The following ALMS1 variants were observed in gnomAD, a reference collection of about 807,000 sequenced individuals.
The protein encoded by ALMS1 is ALMS1 centrosome and basal body associated protein, also known as centrosome-associated protein ALMS1.
Under a neutral mutation model 352.2 loss-of-function variants are expected in ALMS1, and 271 were observed. That is an observed-to-expected ratio of 0.77 (90% CI 0.70 to 0.85). The LOEUF is 0.85. Ranked by LOEUF, ALMS1 falls within the 40% of genes least tolerant of loss-of-function variation. ALMS1 has a pLI of 0.00. For missense variants in ALMS1, 5,445 were observed against 4,870.7 expected, an observed-to-expected ratio of 1.12 and a Z score of -3.51; for synonymous variants, 1,865 against 1,761.2, an observed-to-expected ratio of 1.06 and a Z score of -1.48.
Position 73,573,444 on chromosome 2 carries a change from A to C in ALMS1, c.11547+20A>C. ...ATCCAGGTACATGGCTACAGATTCC[A>C]TCTGGCAATGTGACTGCCCTCTTCA... is the stretch of plus-strand genomic sequence containing the variant. On this transcript the variant is annotated intron_variant, in intron 16 of 22. Coordinates refer to ENST00000613296, the MANE Select transcript of ALMS1 (RefSeq NM_001378454.1). 4 of 1,613,068 alleles carry C rather than the reference A, an allele frequency of 2.5e-6. No individual in the cohort carries two copies. Among genetic ancestry groups the C allele is most frequent in the Non-Finnish European group, 3.4e-6 (4 of 1,179,344 alleles).
Position 73,599,494 on chromosome 2 carries a change from C to G in ALMS1, c.11641C>G (p.His3881Asp), listed in dbSNP as rs142278066. ...NSTFCNKQNV[H>D]MLNKGIQAGN... ...TACTTTTTGCAACAAGCAGAATGTA[C>G]ACATGTTAAACAAGGGCATACAAGC... Residue 3881 changes from histidine (H) to aspartate (D), a missense_variant, in exon 17 of 23, where the codon CAC (histidine) becomes GAC (aspartate). By Grantham distance (81) the His-to-Asp change is moderately conservative. Coordinates refer to ENST00000613296, the MANE Select transcript of ALMS1 (RefSeq NM_001378454.1). The G allele has an allele frequency of 2.5e-6, 4 of 1,613,474 alleles. No homozygotes were observed. In the Admixed American group the frequency reaches 6.7e-5, roughly 27 times the overall value.
chr2:73,550,248 C>T lies in ALMS1; in HGVS notation c.9908-19C>T. 1 of 1,613,570 alleles carries T rather than the reference C, an allele frequency of 6.2e-7. No homozygotes were observed. The highest frequency in any genetic ancestry group is 8.5e-7 in the Non-Finnish European group (1 of 1,179,692). On this transcript the variant is annotated intron_variant, in intron 12 of 22. Transcript: ENST00000613296. ...ATGTCGCTATTTGTGTTTTGTATTA[C>T]TTCCCCGTTTTTCTGTAGGATCCAA...
chr2:73,446,665 C>T (rs973893920), intron 7 of ALMS1, among the ~76,000 whole-genome samples: 1 of 152,218 alleles, frequency 6.6e-6, no homozygotes, highest in East Asian at 1.9e-4. Context: ...GGAAAGAGCT[C>T]AGAACTTGGA....
intron 9 of ALMS1, among the ~76,000 whole-genome samples, chr2:73,455,913 A>C (rs985011693): frequency 2.0e-5 from 3 of 152,196 alleles, no homozygotes; most frequent in African/African-American, 7.2e-5. Context: ...CTTGAAATCC[A>C]GCTATTTTCA....
intron 1 of ALMS1, among the ~76,000 whole-genome samples, chr2:73,402,107 A>T (rs1022948072): frequency 6.6e-6 from 1 of 151,560 alleles, no homozygotes; most frequent in Admixed American, 6.6e-5. Context: ...TGGATGCTGT[A>T]GTTGTGTTCG....
At chr2:73,486,865 C>CA (rs1466979276) in intron 9 of ALMS1, among the ~76,000 whole-genome samples, 1 of 152,064 alleles carries the variant, frequency 6.6e-6, no homozygotes, top group African/African-American at 2.4e-5. Flanking sequence ...GCCTGGGCAA[C>CA]AAAGTGAGAC....
At chr2:73,531,331 C>G (rs1304325706) in intron 11 of ALMS1, among the ~76,000 whole-genome samples, 1 of 152,354 alleles carries the variant, frequency 6.6e-6, no homozygotes, top group East Asian at 1.9e-4. Flanking sequence ...TAAATCATCT[C>G]TTTCAAGTTC....
intron 16 of ALMS1, among the ~76,000 whole-genome samples, chr2:73,586,497 A>G (rs1675316475): frequency 6.6e-6 from 1 of 152,160 alleles, no homozygotes; most frequent in Non-Finnish European, 1.5e-5. Context: ...CATTTGTTGA[A>G]TAGGGTGTCC....
intron 7 of ALMS1, among the ~76,000 whole-genome samples, chr2:73,445,029 C>T (rs1349498920): frequency 9.3e-6 from 1 of 106,994 alleles, no homozygotes; most frequent in African/African-American, 2.5e-5. Flanking sequence ...TTTAAAAAAA[C>T]ATGAATTTGA....
intron 1 of ALMS1, among the ~76,000 whole-genome samples, chr2:73,404,899 C>CT (rs58122480): frequency 0.019 from 1,182 of 60,716 alleles, 229 homozygotes; most frequent in African/African-American, 0.03. Flanking sequence ...TGTCCTGGAC[C>CT]TTTTTTTTTT....
intron 16 of ALMS1, among the ~76,000 whole-genome samples, chr2:73,576,754 G>A (rs900678812): frequency 4.0e-5 from 6 of 151,726 alleles, no homozygotes; most frequent in Non-Finnish European, 5.9e-5. Context: ...CCGAGTAGCT[G>A]GGATTACAGG....
chr2:73,562,741 G>C (rs1415695351), intron 15 of ALMS1, among the ~76,000 whole-genome samples: 1 of 151,880 alleles, frequency 6.6e-6, no homozygotes, highest in Non-Finnish European at 1.5e-5. Context: ...TACAAAATTA[G>C]CCGGGCATGG....
chr2:73,543,452 A>G (rs1021321399), intron 12 of ALMS1, among the ~76,000 whole-genome samples: 1 of 152,228 alleles, frequency 6.6e-6, no homozygotes, highest in African/African-American at 2.4e-5. Context: ...GGACACAGGC[A>G]TGGTCAAGGA....
Position 73,385,994 on chromosome 2 carries a change from CGTGGAGGAG to C in ALMS1, c.135_143del (p.Val46_Glu48del). The C allele has an allele frequency of 6.4e-7, 1 of 1,550,458 alleles. No homozygotes were observed. The highest frequency in any genetic ancestry group is 8.7e-7 in the Non-Finnish European group (1 of 1,147,666). ...CGGCGAACGTGGACGACGTAGTGGT[CGTGGAGGAG>C]GTGGAGGAAGAGGCGGGGCGGGAGT... On this transcript the variant is annotated inframe_deletion, in exon 1 of 23. Coordinates refer to ENST00000613296, the MANE Select transcript of ALMS1 (RefSeq NM_001378454.1).
At chr2:73,526,741 C>A (rs929957295) in intron 11 of ALMS1, among the ~76,000 whole-genome samples, 2 of 152,104 alleles carry the variant, frequency 1.3e-5, no homozygotes, top group Admixed American at 6.5e-5. Context: ...TTCTTCCTTT[C>A]CAATCTGGAT....
chr2:73,508,359 C>G (rs920175055), intron 10 of ALMS1, among the ~76,000 whole-genome samples: 5 of 151,780 alleles, frequency 3.3e-5, no homozygotes, highest in African/African-American at 1.2e-4. Flanking sequence ...CCTGCCACCA[C>G]GCCTGGCTAA....
At position 73,555,950 on chromosome 2, in the gene ALMS1, C is replaced by A. The variant is rs867765336; in HGVS notation, c.10079-1270C>A. Among the ~76,000 whole-genome samples the A allele has an allele frequency of 1.3e-5, 2 of 152,198 alleles. 1 individual carries two copies. ...GTTTAAAGAAACTTGCAAAACAATG[C>A]TGTACACTGTTGGTTAATATATGCA... On this transcript the variant is annotated intron_variant, in intron 13 of 22. Transcript: ENST00000613296.
intron 12 of ALMS1, among the ~76,000 whole-genome samples, chr2:73,539,376 C>T (rs535939974): frequency 5.3e-5 from 8 of 152,214 alleles, no homozygotes; most frequent in South Asian, 4.1e-4. Context: ...CCCATCTGTA[C>T]GTCACCATCA....
At chr2:73,581,363 A>G (rs1231973785) in intron 16 of ALMS1, among the ~76,000 whole-genome samples, 1 of 152,200 alleles carries the variant, frequency 6.6e-6, no homozygotes, top group Non-Finnish European at 1.5e-5. Flanking sequence ...ACATGTCAAA[A>G]CAAACACAAT....
Sources: gnomAD v4.1 joint callset for allele counts (sites outside exome capture counted in the v4.1 genomes callset) on GRCh38, gnomAD v4.1.1 for gene constraint, MANE v1.5 for transcripts, NCBI Gene and HGNC (gene_info 2026-07-23, HGNC 2026-07-21) for gene names.